The following DNAH9 variants were observed in gnomAD, a reference collection of about 807,000 sequenced individuals.
DNAH9 encodes dynein axonemal heavy chain 9, also known as DNAH9 variant protein.
DNAH9 carries 345 observed loss-of-function variants against 471.6 expected under a neutral mutation model. That is an observed-to-expected ratio of 0.73 (90% CI 0.67 to 0.80). DNAH9 has a LOEUF of 0.80. DNAH9 is among the 30% of genes least tolerant of loss of function. The probability of loss-of-function intolerance (pLI) is 0.00; values close to 1 mark genes in which losing one functional copy is unlikely to be tolerated. For synonymous variants in DNAH9, 2,093 were observed against 2,123.6 expected, an observed-to-expected ratio of 0.99 and a Z score of 0.40; for missense variants, 5,407 against 5,609.2, an observed-to-expected ratio of 0.96 and a Z score of 1.15.
chr17:11,881,915 A>AG (rs1444428738), intron 55 of DNAH9, among the ~76,000 whole-genome samples: 4 of 151,702 alleles, frequency 2.6e-5, no homozygotes, highest in Non-Finnish European at 5.9e-5. Flanking sequence ...TGTCTCAAAA[A>AG]AAAGAAAAAA....
At chr17:11,951,090 A>G (rs796764664) in intron 67 of DNAH9, among the ~76,000 whole-genome samples, 5 of 152,312 alleles carry the variant, frequency 3.3e-5, no homozygotes, top group African/African-American at 1.2e-4. Flanking sequence ...CAAATTTCAT[A>G]CAACCCCAAA....
chr17:11,772,466 C>T (rs1358541478), intron 38 of DNAH9, among the ~76,000 whole-genome samples: 1 of 151,964 alleles, frequency 6.6e-6, no homozygotes, highest in Non-Finnish European at 1.5e-5. Context: ...CAGAGAATTT[C>T]TTTTTTTCTT....
chr17:11,636,093 G>A (rs1156474354), intron 8 of DNAH9, among the ~76,000 whole-genome samples: 4 of 151,962 alleles, frequency 2.6e-5, no homozygotes, highest in African/African-American at 4.8e-5. Flanking sequence ...TGCAAACTCC[G>A]CCTCCCAGAT....
intron 67 of DNAH9, among the ~76,000 whole-genome samples, chr17:11,948,916 G>T (rs1975251818): frequency 6.6e-6 from 1 of 152,138 alleles, no homozygotes; most frequent in Non-Finnish European, 1.5e-5. Context: ...CTGTCCCCTG[G>T]CCCTCTGTGG....
chr17:11,900,365 G>T (rs1215531054), intron 59 of DNAH9, among the ~76,000 whole-genome samples: 1 of 151,804 alleles, frequency 6.6e-6, no homozygotes, highest in Admixed American at 6.6e-5. Context: ...GCAAGCCCCG[G>T]TCACATGCCT....
At chr17:11,605,476 TCTGTTGTTGTTGTTGTTGTTG>T (rs1200126117) in intron 1 of DNAH9, among the ~76,000 whole-genome samples, 2 of 151,136 alleles carry the variant, frequency 1.3e-5, no homozygotes, top group East Asian at 2.0e-4. Context: ...AGCTTTTTGG[TCTGTTGTTGTTGTTGTTGTTG>T]TTGTTGTTGT....
intron 61 of DNAH9, among the ~76,000 whole-genome samples, chr17:11,923,381 G>A (rs1190474990): frequency 6.6e-6 from 1 of 151,010 alleles, no homozygotes; most frequent in Non-Finnish European, 1.5e-5. Context: ...GCGCAATCTC[G>A]GCTCATTGCA....
intron 8 of DNAH9, among the ~76,000 whole-genome samples, chr17:11,633,949 C>A (rs1253080442): frequency 1.3e-5 from 2 of 152,174 alleles, no homozygotes; most frequent in Non-Finnish European, 2.9e-5. Context: ...AGGAGTCTTG[C>A]CATTGCTTTT....
intron 58 of DNAH9, among the ~76,000 whole-genome samples, chr17:11,893,044 C>T (rs1973101536): frequency 6.6e-6 from 1 of 152,024 alleles, no homozygotes; most frequent in South Asian, 2.1e-4. Context: ...AGTCAGATAT[C>T]CCATCATCAC....
chr17:11,650,760 C>T (rs546132470), intron 12 of DNAH9, among the ~76,000 whole-genome samples: 14 of 152,304 alleles, frequency 9.2e-5, no homozygotes, highest in East Asian at 3.9e-4. Flanking sequence ...CCATCATTTC[C>T]GCAGCCACAT....
chr17:11,863,075 G>T (rs1971917936), intron 50 of DNAH9, among the ~76,000 whole-genome samples: 1 of 152,210 alleles, frequency 6.6e-6, no homozygotes, highest in South Asian at 2.1e-4. Flanking sequence ...GGAGTGGTGA[G>T]AGAGGGCGTT....
intron 31 of DNAH9, among the ~76,000 whole-genome samples, chr17:11,746,908 A>C (rs1471840308): frequency 6.6e-6 from 1 of 152,216 alleles, no homozygotes; most frequent in Non-Finnish European, 1.5e-5. Flanking sequence ...GCAAAACAAG[A>C]ATGAAAAACA....
intron 10 of DNAH9, among the ~76,000 whole-genome samples, chr17:11,642,425 G>A (rs565427275): frequency 3.7e-4 from 57 of 152,056 alleles, no homozygotes; most frequent in Middle Eastern, 3.4e-3. Context: ...GGCGGGGGGC[G>A]CCTGTAATCC....
chr17:11,709,670 G>A (rs955514825), intron 26 of DNAH9, among the ~76,000 whole-genome samples: 17 of 152,046 alleles, frequency 1.1e-4, no homozygotes, highest in Admixed American at 5.9e-4. Flanking sequence ...ACAGGATTTC[G>A]GCACCACACT....
At chr17:11,862,434 A>T (rs1052797103) in intron 50 of DNAH9, among the ~76,000 whole-genome samples, 2 of 127,642 alleles carry the variant, frequency 1.6e-5, no homozygotes, top group Non-Finnish European at 3.3e-5. Context: ...CTTGTAGTAT[A>T]GTTTGAAGTC....
rs780228793 is a variant in DNAH9 at position 11,680,838 on chromosome 17, A to G, written c.3692A>G (p.Asp1231Gly). Residue 1231 changes from aspartate to glycine, a missense_variant, in exon 19 of 69, where the codon GAT (aspartate) becomes GGT (glycine). By Grantham distance (94) the Asp-to-Gly change is moderately conservative (BLOSUM62 -1). Coordinates refer to ENST00000262442, the MANE Select transcript of DNAH9 (RefSeq NM_001372.4). ...CTCCGCCAGAGGTGCACAGCCTTCG[A>G]TGCAGAACAGCAGCAATTCTGGGAG... ...TLLRQRCTAF[D>G]AEQQQFWEQF... 6.2e-7 allele frequency: 1 copy of G among 1,613,746 alleles called. No individual in the cohort carries two copies. Among genetic ancestry groups the G allele is most frequent in the Non-Finnish European group, 8.5e-7 (1 of 1,179,846 alleles).
intron 33 of DNAH9, among the ~76,000 whole-genome samples, chr17:11,753,358 A>G (rs1967236578): frequency 6.6e-6 from 1 of 152,164 alleles, no homozygotes; most frequent in Non-Finnish European, 1.5e-5. Context: ...GGTGTCAAAT[A>G]TTGTTCCATT....
At position 11,704,202 on chromosome 17, in the gene DNAH9, G is replaced by A; in HGVS notation, c.5152-1G>A. ...TTACTAGGCAACTCTTGCTGCCACA[G>A]GTGGCCCTGACCTGTACTCAGATCT... On this transcript the variant is annotated splice_acceptor_variant, in intron 24 of 68. Transcript: ENST00000262442. LOFTEE classifies it high-confidence loss of function. 1 of 1,614,116 alleles carries A rather than the reference G, an allele frequency of 6.2e-7. No homozygotes were observed. Among genetic ancestry groups the A allele is most frequent in the Non-Finnish European group, 8.5e-7 (1 of 1,180,008 alleles).
intron 50 of DNAH9, among the ~76,000 whole-genome samples, chr17:11,862,675 T>C (rs1208288225): frequency 6.6e-6 from 1 of 152,234 alleles, no homozygotes; most frequent in African/African-American, 2.4e-5. Flanking sequence ...TTCCATTTGT[T>C]TGTATCCTCT....
Sources: allele counts gnomAD v4.1 joint callset (sites outside exome capture counted in the v4.1 genomes callset), GRCh38; gene constraint gnomAD v4.1.1; transcripts MANE v1.5; gene names NCBI Gene and HGNC (gene_info 2026-07-23, HGNC 2026-07-21).